The following FCHSD2 variants were observed in gnomAD, a reference collection of about 807,000 sequenced individuals.
FCHSD2 encodes F-BAR and double SH3 domains protein 2.
FCHSD2 carries 38 observed loss-of-function variants against 108.1 expected under a neutral mutation model. The observed-to-expected ratio is 0.35, with a 90% CI of 0.27 to 0.46. The LOEUF (loss-of-function observed/expected upper bound fraction) is 0.46, where lower values mean the gene tolerates loss of function less well. Ranked by LOEUF, FCHSD2 falls within the 20% of genes least tolerant of loss-of-function variation. FCHSD2 has a pLI of 1.00. For missense variants in FCHSD2, 751 were observed against 897.8 expected (o/e 0.84, Z 2.09); for synonymous variants, 279 against 314.7 (o/e 0.89, Z 1.20).
intron 10 of FCHSD2, among the ~76,000 whole-genome samples, chr11:72,893,707 C>A (rs1376100694): frequency 2.0e-5 from 3 of 150,704 alleles, no homozygotes; most frequent in Non-Finnish European, 4.4e-5. Context: ...AAGATCGTGG[C>A]ACTGCACTCC....
At chr11:73,065,261 G>A (rs1008260087) in intron 3 of FCHSD2, among the ~76,000 whole-genome samples, 2 of 151,916 alleles carry the variant, frequency 1.3e-5, no homozygotes, top group African/African-American at 4.8e-5. Flanking sequence ...AAAAAAACAC[G>A]ATTATCTCAA....
intron 3 of FCHSD2, among the ~76,000 whole-genome samples, chr11:73,017,956 T>C (rs1275535213): frequency 1.3e-5 from 2 of 152,188 alleles, no homozygotes; most frequent in African/African-American, 4.8e-5. Context: ...CCTCATGAAC[T>C]ATCTGGTTAT....
chr11:72,902,876 T>C (rs1050089682), intron 9 of FCHSD2, among the ~76,000 whole-genome samples: 11 of 152,208 alleles, frequency 7.2e-5, no homozygotes, highest in Admixed American at 1.3e-4. Context: ...TAGATCAGAT[T>C]TGGGGACTGG....
chr11:72,848,226 C>CAGATAGT (rs1861197240), intron 14 of FCHSD2, among the ~76,000 whole-genome samples: 1 of 152,174 alleles, frequency 6.6e-6, no homozygotes, highest in African/African-American at 2.4e-5. Context: ...GTCTGGTACC[C>CAGATAGT]AAGGCCCTTT....
chr11:72,842,947 G>T (rs1861006934), intron 16 of FCHSD2, 106 bp from the exon 17 acceptor site: 2 of 977,322 alleles, frequency 2.0e-6, no homozygotes, highest in African/African-American at 1.6e-5. Flanking sequence ...ATACAGAATA[G>T]GATTAAAGTT....
In FCHSD2 at chr11:72,838,802, T is replaced by C; in HGVS notation, c.2212A>G (p.Thr738Ala). Residue 738 changes from threonine to alanine, a missense_variant, in exon 20 of 20, where the codon ACA (threonine) becomes GCA (alanine). Transcript: ENST00000409418. The part of the protein sequence containing the change: ...PAEKIEDVEI[T>A]LV The stretch of plus-strand genomic sequence containing the variant: ...GGGCAAGCCCATCATCACACCAGTG[T>C]GATTTCCACATCTTCAATCTTCTCT... 6.2e-7 allele frequency: 1 copy of C among 1,603,274 alleles called. No homozygotes were observed. Among genetic ancestry groups the C allele is most frequent in the Non-Finnish European group, 8.5e-7 (1 of 1,176,042 alleles).
At chr11:73,003,800 C>T (rs1352946066) in intron 4 of FCHSD2, among the ~76,000 whole-genome samples, 3 of 151,306 alleles carry the variant, frequency 2.0e-5, no homozygotes, top group East Asian at 2.0e-4. Context: ...TCATATGAAG[C>T]AATTGTGAAG....
At chr11:72,996,829 T>C (rs1436713967) in intron 5 of FCHSD2, among the ~76,000 whole-genome samples, 1 of 152,112 alleles carries the variant, frequency 6.6e-6, no homozygotes, top group African/African-American at 2.4e-5. Flanking sequence ...CACCACACAC[T>C]GGACTTAAAG....
intron 2 of FCHSD2, among the ~76,000 whole-genome samples, chr11:73,119,138 C>T (rs574746607): frequency 4.9e-4 from 75 of 152,070 alleles, no homozygotes; most frequent in African/African-American, 1.8e-3. Flanking sequence ...CCTGTCTCTA[C>T]ATAAAATACA....
intron 3 of FCHSD2, among the ~76,000 whole-genome samples, chr11:73,021,039 GC>G (rs1456570205): frequency 6.6e-6 from 1 of 151,928 alleles, no homozygotes; most frequent in Non-Finnish European, 1.5e-5. Context: ...ACTGCGACCA[GC>G]TAAGTTTTAA....
chr11:72,989,110 A>G lies in FCHSD2; in HGVS notation c.388-13T>C, dbSNP rs1198465977. 6.3e-7 allele frequency: 1 copy of G among 1,596,022 alleles called. No individual in the cohort carries two copies. Among genetic ancestry groups the G allele is most frequent in the African/African-American group, 1.3e-5 (1 of 74,358 alleles). ...ACTGGTCCACACACTGTAAAATACA[A>G]AAGTACAATCATTATGATTTTAGTT... On this transcript the variant is annotated splice_polypyrimidine_tract_variant and intron_variant, in intron 5 of 19. Transcript: ENST00000409418.
chr11:73,119,845 A>C lies in FCHSD2; in HGVS notation c.119+20186T>G, dbSNP rs150747224. The stretch of plus-strand genomic sequence containing the variant: ...TAAAAATTAGTACCATAAATATACA[A>C]GGATGTAAATAAGAACACTGTATTA... On this transcript the variant is annotated intron_variant, in intron 2 of 19. Transcript: ENST00000409418. 5.1e-3 allele frequency among the ~76,000 whole-genome samples: 784 copies of C among 152,360 alleles called. 8 individuals are homozygous for C. The highest frequency in any genetic ancestry group is 0.018 in the African/African-American group (760 of 41,576).
chr11:72,866,246 T>A (rs973414875), intron 13 of FCHSD2, among the ~76,000 whole-genome samples: 4 of 130,254 alleles, frequency 3.1e-5, no homozygotes, highest in African/African-American at 7.9e-5. Flanking sequence ...ATGGAGCAAC[T>A]CTGTTCTGTT....
intron 5 of FCHSD2, among the ~76,000 whole-genome samples, chr11:72,993,236 G>C (rs972960766): frequency 3.9e-5 from 6 of 152,088 alleles, no homozygotes; most frequent in African/African-American, 1.4e-4. Context: ...TTAGAATGGC[G>C]ATCATTAGAA....
intron 1 of FCHSD2, among the ~76,000 whole-genome samples, chr11:73,140,476 A>G (rs2135581854): frequency 6.6e-6 from 1 of 152,332 alleles, no homozygotes; most frequent in African/African-American, 2.4e-5. Context: ...AAAAGATTCA[A>G]AGACATTAAC....
intron 10 of FCHSD2, among the ~76,000 whole-genome samples, chr11:72,899,719 G>A (rs1855487890): frequency 8.9e-6 from 1 of 112,220 alleles, no homozygotes; most frequent in Non-Finnish European, 1.7e-5. Flanking sequence ...CTGGGTGACA[G>A]AGTAAGACCC....
At chr11:72,882,401 G>C (rs1855109144) in intron 12 of FCHSD2, among the ~76,000 whole-genome samples, 1 of 152,096 alleles carries the variant, frequency 6.6e-6, no homozygotes, top group African/African-American at 2.4e-5. Flanking sequence ...ATCAGAAGCT[G>C]GGAAGGATTA....
At position 72,840,865 on chromosome 11, in the gene FCHSD2, T is replaced by TCAGA; in HGVS notation, c.2139+8_2139+11dup. On this transcript the variant is annotated intron_variant, in intron 19 of 19. Coordinates refer to ENST00000409418, the MANE Select transcript of FCHSD2 (RefSeq NM_014824.3). ...CTATGCATTCGATAATCCTGCAAGA[T>TCAGA]CAGAGACTTACAGGTCGCAGTTTGC... 6.3e-7 allele frequency: 1 copy of TCAGA among 1,578,028 alleles called. No homozygotes were observed. The highest frequency in any genetic ancestry group is 8.7e-7 in the Non-Finnish European group (1 of 1,147,238).
chr11:73,056,222 T>C (rs1334594954), intron 3 of FCHSD2, among the ~76,000 whole-genome samples: 1 of 152,190 alleles, frequency 6.6e-6, no homozygotes, highest in African/African-American at 2.4e-5. Flanking sequence ...GTCTTCTGGG[T>C]AAACTGAAAT....
Sources: allele counts gnomAD v4.1 joint callset (sites outside exome capture counted in the v4.1 genomes callset), GRCh38; gene constraint gnomAD v4.1.1; transcripts MANE v1.5; gene names NCBI Gene and HGNC (gene_info 2026-07-23, HGNC 2026-07-21).